BCL9: variants seen among roughly 807,000 people sequenced by gnomAD.
BCL9 encodes the protein BCL9 transcription coactivator, also known as B-cell CLL/lymphoma 9 protein.
BCL9 carries 25 observed loss-of-function variants against 88.5 expected under a neutral mutation model. That is an observed-to-expected ratio of 0.28 (90% CI 0.21 to 0.39). The LOEUF is 0.39. Ranked by LOEUF, BCL9 falls within the 10% of genes least tolerant of loss-of-function variation. The probability of loss-of-function intolerance (pLI) is 1.00; values close to 1 mark genes in which losing one functional copy is unlikely to be tolerated. For synonymous variants in BCL9, 711 were observed against 673.3 expected (o/e 1.06, Z -0.87); for missense variants, 1,817 against 1,877.8 (o/e 0.97, Z 0.60).
Position 147,614,447 on chromosome 1 carries a change from A to C in BCL9, c.391A>C (p.Ile131Leu). The change falls in exon 6 of 10, where the codon ATA becomes CTA. Residue 131 changes from isoleucine (I) to leucine (L), a missense_variant. Ile to Leu is a conservative substitution (Grantham distance 5). Around this residue, in one of 2 missense-constraint regions of BCL9, gnomAD observed 1,228 missense variants for 1,191.6 expected, o/e 1.03. Transcript: ENST00000234739. ...DIKECNSADH[I>L]KSQDSQHTPH... is the part of the protein sequence containing the mutation. ...TTTAGAATGTAATTCTGCTGACCACATAAAGTCCCAGGATTCCCAGCACAC... is the reference window on the plus strand; with the variant it reads ...TTTAGAATGTAATTCTGCTGACCACCTAAAGTCCCAGGATTCCCAGCACAC... The C allele has an allele frequency of 6.2e-7, 1 of 1,614,040 alleles. No individual in the cohort carries two copies. Among genetic ancestry groups the C allele is most frequent in the Non-Finnish European group, 8.5e-7 (1 of 1,179,928 alleles).
intron 1 of BCL9, among the ~76,000 whole-genome samples, chr1:147,545,267 A>G (rs1321189330): frequency 6.6e-6 from 1 of 151,978 alleles, no homozygotes; most frequent in African/African-American, 2.4e-5. Context: ...CCTGTGGCCA[A>G]CGCCTCCTCC....
chr1:147,560,584 G>A (rs1655331845), intron 1 of BCL9, among the ~76,000 whole-genome samples: 1 of 140,514 alleles, frequency 7.1e-6, no homozygotes, highest in Non-Finnish European at 1.5e-5. Flanking sequence ...TCCAGCCTGG[G>A]GGACAACAGC....
At chr1:147,599,242 C>T (rs1208456344) in intron 1 of BCL9, among the ~76,000 whole-genome samples, 3 of 152,192 alleles carry the variant, frequency 2.0e-5, no homozygotes, top group African/African-American at 7.2e-5. Context: ...TGGGTGGGGG[C>T]TGCTCTCCTG....
intron 1 of BCL9, among the ~76,000 whole-genome samples, chr1:147,581,248 A>G (rs1185076941): frequency 2.0e-5 from 3 of 152,334 alleles, no homozygotes; most frequent in East Asian, 3.9e-4. Flanking sequence ...AGATGTAAAG[A>G]CATGGCATAT....
At chr1:147,599,497 C>CAA (rs1367997252) in intron 1 of BCL9, among the ~76,000 whole-genome samples, 52 of 145,298 alleles carry the variant, frequency 3.6e-4, no homozygotes, top group Non-Finnish European at 6.2e-4. Context: ...GCCCCCCGCC[C>CAA]CCCTCGGTTG....
chr1:147,597,220 G>GA (rs782406344), intron 1 of BCL9, among the ~76,000 whole-genome samples: 6 of 152,132 alleles, frequency 3.9e-5, no homozygotes, highest in Non-Finnish European at 8.8e-5. Flanking sequence ...AAGAACGGAG[G>GA]AAACAAAAGC....
chr1:147,624,277 G>C lies in BCL9; in HGVS notation c.3599G>C (p.Gly1200Ala). The C allele has an allele frequency of 6.2e-7, 1 of 1,614,010 alleles. No individual in the cohort carries two copies. The highest frequency in any genetic ancestry group is 1.3e-5 in the African/African-American group (1 of 74,978). Reference protein sequence around the residue: ...AALCKPGGPGGPDSFTVLGNS... With the variant: ...AALCKPGGPGAPDSFTVLGNS... ...CTTTGCAAGCCTGGAGGCCCCGGGGGTCCTGACTCCTTCACTGTCCTGGGG... is the reference window on the plus strand; with the variant it reads ...CTTTGCAAGCCTGGAGGCCCCGGGGCTCCTGACTCCTTCACTGTCCTGGGG... The change falls in exon 10 of 10, where the codon GGT becomes GCT. Residue 1200 changes from glycine (G) to alanine (A), a missense_variant. By Grantham distance (60) the Gly-to-Ala change is moderately conservative. Around this residue, in one of 2 missense-constraint regions of BCL9, gnomAD observed 589 missense variants for 686.2 expected, o/e 0.86. Coordinates refer to ENST00000234739, the MANE Select transcript of BCL9 (RefSeq NM_004326.4). This position sits in a 1 kb window ranked among gnomAD's most constrained non-coding sequence, Gnocchi z 4.4.
At chr1:147,583,297 A>C (rs1335767010) in intron 1 of BCL9, among the ~76,000 whole-genome samples, 1 of 151,554 alleles carries the variant, frequency 6.6e-6, no homozygotes, top group African/African-American at 2.4e-5. Flanking sequence ...ACTTTTTTTG[A>C]GATGGACTCT....
At chr1:147,557,911 G>A (rs1185409090) in intron 1 of BCL9, among the ~76,000 whole-genome samples, 1 of 152,112 alleles carries the variant, frequency 6.6e-6, no homozygotes, top group Non-Finnish European at 1.5e-5. Flanking sequence ...AGTACTCACT[G>A]TGTGTCAGCC....
intron 7 of BCL9, among the ~76,000 whole-genome samples, chr1:147,616,284 A>T (rs1553203842): frequency 6.6e-6 from 1 of 152,256 alleles, no homozygotes; most frequent in Non-Finnish European, 1.5e-5. Flanking sequence ...AAAAGCAACA[A>T]TTAAAACTTC....
chr1:147,573,826 T>C (rs933798572), intron 1 of BCL9, among the ~76,000 whole-genome samples: 1 of 152,166 alleles, frequency 6.6e-6, no homozygotes, highest in Non-Finnish European at 1.5e-5. Context: ...TAGTTAGAGA[T>C]AACCTGAACT....
chr1:147,574,318 T>C (rs1656017120), intron 1 of BCL9, among the ~76,000 whole-genome samples: 2 of 152,238 alleles, frequency 1.3e-5, no homozygotes, highest in Non-Finnish European at 1.5e-5. Context: ...TTGTCATTTG[T>C]GGAAGAACGT....
intron 1 of BCL9, among the ~76,000 whole-genome samples, chr1:147,574,221 G>A (rs782141132): frequency 1.3e-5 from 2 of 152,104 alleles, no homozygotes; most frequent in Non-Finnish European, 2.9e-5. Context: ...TAACTGCAAG[G>A]CAAAAGGCAC....
chr1:147,593,249 C>T (rs945586637), intron 1 of BCL9, among the ~76,000 whole-genome samples: 1 of 152,180 alleles, frequency 6.6e-6, no homozygotes, highest in African/African-American at 2.4e-5. Context: ...ATGTCTTCTC[C>T]CTCAAATAAT....
chr1:147,581,416 A>G (rs1656364286), intron 1 of BCL9, among the ~76,000 whole-genome samples: 1 of 152,222 alleles, frequency 6.6e-6, no homozygotes, highest in African/African-American at 2.4e-5. Context: ...AGCTTCTAGA[A>G]AAATGCATCA....
intron 1 of BCL9, among the ~76,000 whole-genome samples, chr1:147,602,452 C>T (rs587624438): frequency 3.2e-4 from 48 of 152,230 alleles, no homozygotes; most frequent in Admixed American, 1.3e-3. Flanking sequence ...CCTCGTGATC[C>T]GCCTGCCTCC....
intron 2 of BCL9, among the ~76,000 whole-genome samples, chr1:147,605,772 G>A (rs1205847735): frequency 1.3e-5 from 2 of 152,142 alleles, no homozygotes; most frequent in African/African-American, 4.8e-5. Context: ...AGCTAGGAAT[G>A]GAATCCTGAG....
chr1:147,551,214 G>A (rs894698299), intron 1 of BCL9, among the ~76,000 whole-genome samples: 1 of 152,216 alleles, frequency 6.6e-6, no homozygotes, highest in South Asian at 2.1e-4. Flanking sequence ...CTGCGGTCTA[G>A]AGAGTATAAC....
At chr1:147,622,707 CTTA>C (rs1170799337) in intron 9 of BCL9, among the ~76,000 whole-genome samples, 176 bp downstream of exon 9, 17 of 152,134 alleles carry the variant, frequency 1.1e-4, no homozygotes, top group Admixed American at 4.6e-4. Context: ...AAGATAATTT[CTTA>C]TTAGCTTGAT....
Sources: gnomAD v4.1 joint callset for allele counts (sites outside exome capture counted in the v4.1 genomes callset) on GRCh38, gnomAD v4.1.1 for gene constraint, gnomAD v4.1.1 regional missense constraint, Gnocchi (gnomAD v3.1) non-coding constraint, MANE v1.5 for transcripts, NCBI Gene and HGNC (gene_info 2026-07-23, HGNC 2026-07-21) for gene names.